Variants in DHX40 observed in about 807,000 individuals in gnomAD.
DHX40 encodes the protein DEAH-box helicase 40.
Under a neutral mutation model 89.6 loss-of-function variants are expected in DHX40, and 28 were observed. That is an observed-to-expected ratio of 0.31 (90% CI 0.23 to 0.43). DHX40 has a LOEUF of 0.43. Ranked by LOEUF, DHX40 falls within the 20% of genes least tolerant of loss-of-function variation. The pLI, the probability that DHX40 is intolerant of heterozygous loss-of-function variation, is 1.00. For synonymous variants in DHX40, 226 were observed against 283.6 expected (o/e 0.80, Z 2.04); for missense variants, 457 against 844.0 (o/e 0.54, Z 5.68).
chr17:59,605,484 T>C lies in DHX40; in HGVS notation c.2010T>C (p.Phe670=). The change falls in exon 17 of 18, where the codon TTT becomes TTC. Residue 670 remains phenylalanine, a synonymous_variant. Coordinates refer to ENST00000251241, the MANE Select transcript of DHX40 (RefSeq NM_024612.5). ...EQETKLEWII[F]HEVLVTTKVY... ...AAACCAAACTTGAATGGATCATTTT[T>C]CATGAGGTATTGGTTACCACCAAAG... The C allele has an allele frequency of 6.2e-7, 1 of 1,613,664 alleles. No individual in the cohort carries two copies. The highest frequency in any genetic ancestry group is 8.5e-7 in the Non-Finnish European group (1 of 1,179,580).
intron 4 of DHX40, 106 bp downstream of exon 4, chr17:59,573,341 T>G: frequency 1.0e-6 from 1 of 970,846 alleles, no homozygotes; most frequent in South Asian, 2.0e-5. Context: ...TTTAATTTAA[T>G]TTTTTAGAGA....
At chr17:59,605,027 T>C (rs1200162470) in intron 15 of DHX40, 88 bp from the exon 16 acceptor site, 3 of 1,088,144 alleles carry the variant, frequency 2.8e-6, no homozygotes, top group Admixed American at 1.8e-5. Flanking sequence ...GTAGAACATA[T>C]TGTAATTGTT....
chr17:59,575,002 TTAAG>T (rs1224245130), intron 6 of DHX40, among the ~76,000 whole-genome samples: 2 of 152,154 alleles, frequency 1.3e-5, no homozygotes, highest in Non-Finnish European at 2.9e-5. Flanking sequence ...TGGAGATTAC[TTAAG>T]TATTTTGAAA....
At chr17:59,589,012 G>C (rs868033483) in intron 12 of DHX40, among the ~76,000 whole-genome samples, 66 of 151,874 alleles carry the variant, frequency 4.3e-4, no homozygotes, top group African/African-American at 1.6e-3. Flanking sequence ...TCTGTTTCTG[G>C]GCTCTGTATC....
intron 10 of DHX40, 150 bp from the exon 11 acceptor site, chr17:59,586,003 C>G: frequency 4.7e-6 from 3 of 639,108 alleles, no homozygotes; most frequent in Non-Finnish European, 5.5e-6. Context: ...TTGCCAAATG[C>G]TGATCATGAT....
intron 2 of DHX40, among the ~76,000 whole-genome samples, chr17:59,567,427 G>A (rs2048722204): frequency 6.6e-6 from 1 of 152,170 alleles, no homozygotes; most frequent in Non-Finnish European, 1.5e-5. Context: ...CCAGTTTTAG[G>A]AGCATCAAGA....
In DHX40 at chr17:59,588,244, A is replaced by G. The variant is rs1031666894; in HGVS notation, c.1582+191A>G. ...TAAAAAAAAAAAAAAAAAAAAAACC[A>G]AAAACAAAATTAATAGACTTTATTT... On this transcript the variant is annotated intron_variant, in intron 12 of 17. Transcript: ENST00000251241. Among the ~76,000 whole-genome samples the G allele has an allele frequency of 3.7e-5, 5 of 136,150 alleles. 1 individual carries two copies. Among genetic ancestry groups the G allele is most frequent in the African/African-American group, 1.8e-4 (5 of 28,258 alleles). The allele number at this position is 136,150 out of a possible 152,430, so 89.3% of individuals were successfully genotyped here. A position where few individuals can be genotyped will look rare whatever the true frequency, so the allele number is the denominator to read the frequency against.
intron 12 of DHX40, among the ~76,000 whole-genome samples, chr17:59,596,403 C>T (rs1473383145): frequency 2.0e-5 from 3 of 152,194 alleles, no homozygotes; most frequent in South Asian, 4.1e-4. Context: ...CCCATCTCTA[C>T]TAAAAAATGT....
intron 8 of DHX40, among the ~76,000 whole-genome samples, chr17:59,579,166 ATTTG>A (rs1207630716): frequency 3.6e-5 from 3 of 83,056 alleles, no homozygotes; most frequent in East Asian, 7.3e-4. Context: ...GTCTATAAGT[ATTTG>A]TTTGAGTACT....
intron 7 of DHX40, 74 bp downstream of exon 7, chr17:59,575,545 G>A (rs1380673884): frequency 6.6e-7 from 1 of 1,521,986 alleles, no homozygotes; most frequent in East Asian, 2.4e-5. Context: ...TTACAGAAAA[G>A]CAGTCAGATC....
At chr17:59,587,156 C>CAAA (rs777942147) in intron 11 of DHX40, among the ~76,000 whole-genome samples, 1 of 108,532 alleles carries the variant, frequency 9.2e-6, no homozygotes, top group African/African-American at 3.2e-5. Context: ...ACCCTGTCTC[C>CAAA]AAAAAAAAAA....
chr17:59,581,107 G>C (rs867994688), intron 10 of DHX40, among the ~76,000 whole-genome samples: 1 of 149,728 alleles, frequency 6.7e-6, no homozygotes. Flanking sequence ...AAACAAAAGG[G>C]TATACAGTTG....
At chr17:59,583,675 T>C (rs1475754958) in intron 10 of DHX40, among the ~76,000 whole-genome samples, 2 of 132,650 alleles carry the variant, frequency 1.5e-5, no homozygotes, top group African/African-American at 5.0e-5. Context: ...GGTCAGGAGA[T>C]GGAGATCATC....
chr17:59,570,791 T>G (rs557602311), intron 3 of DHX40, 128 bp downstream of exon 3: 1 of 907,848 alleles, frequency 1.1e-6, no homozygotes, highest in African/African-American at 1.7e-5. Context: ...TCAAGTGATC[T>G]CCTACCTCAG....
Position 59,605,562 on chromosome 17 carries a change from AC to A in DHX40, c.2091del (p.Lys698SerfsTer10). 6.2e-7 allele frequency: 1 copy of A among 1,614,192 alleles called. No individual in the cohort carries two copies. The highest frequency in any genetic ancestry group is 8.5e-7 in the Non-Finnish European group (1 of 1,180,042). On this transcript the variant is annotated frameshift_variant, in exon 17 of 18. Coordinates refer to ENST00000251241, the MANE Select transcript of DHX40 (RefSeq NM_024612.5). LOFTEE classifies it high-confidence loss of function. The stretch of plus-strand genomic sequence containing the variant: ...GTTATGAATGGGTAAGAGACTTGTT[AC>A]CCAAGTTGCATGAATTTAATGCACA... ...IRYEWVRDLL[P>X]KLHEFNAHDL... is the part of the protein sequence containing the mutation.
intron 2 of DHX40, among the ~76,000 whole-genome samples, chr17:59,568,807 C>G (rs1273130399): frequency 6.7e-6 from 1 of 150,166 alleles, no homozygotes; most frequent in Non-Finnish European, 1.5e-5. Flanking sequence ...GCTCCATTCC[C>G]AAATATATTA....
intron 2 of DHX40, 77 bp downstream of exon 2, chr17:59,566,871 T>G: frequency 7.8e-7 from 1 of 1,283,064 alleles, no homozygotes; most frequent in Middle Eastern, 2.8e-4. Context: ...ACTTCTGTAC[T>G]CCATGATTGC....
In DHX40 at chr17:59,566,081, T is replaced by TC. The variant is rs34317264; in HGVS notation, c.112+305dup. Among the ~76,000 whole-genome samples the TC allele has an allele frequency of 3.3e-5, 5 of 151,692 alleles. No homozygotes were observed. The South Asian group carries it at 6.3e-4, about 19-fold the overall frequency. ...AGACCCTTTGTTCTCTACCCATTCA[T>TC]CCCCCCCACCCTTCGTCGGGCCGCC... On this transcript the variant is annotated intron_variant, in intron 1 of 17. Coordinates refer to ENST00000251241, the MANE Select transcript of DHX40 (RefSeq NM_024612.5).
chr17:59,568,008 G>T (rs947124753), intron 2 of DHX40, among the ~76,000 whole-genome samples: 12 of 152,212 alleles, frequency 7.9e-5, no homozygotes, highest in African/African-American at 2.9e-4. Context: ...GCCAGGGCAG[G>T]TGGATCATGA....
Sources: allele counts gnomAD v4.1 joint callset (sites outside exome capture counted in the v4.1 genomes callset), GRCh38; gene constraint gnomAD v4.1.1; transcripts MANE v1.5; gene names NCBI Gene and HGNC (gene_info 2026-07-23, HGNC 2026-07-21).